The following GRIN2B variants were observed in gnomAD, a reference collection of about 807,000 sequenced individuals.
The protein encoded by GRIN2B is glutamate receptor ionotropic, NMDA 2B.
Under a neutral mutation model 114.5 loss-of-function variants are expected in GRIN2B, and 5 were observed. That is an observed-to-expected ratio of 0.04 (90% CI 0.02 to 0.09). GRIN2B has a LOEUF of 0.09. GRIN2B is among the 10% of genes least tolerant of loss of function. GRIN2B has a pLI of 1.00. For missense variants in GRIN2B, 1,108 were observed against 1,943.5 expected, an observed-to-expected ratio of 0.57 and a Z score of 8.08; for synonymous variants, 787 against 745.1, an observed-to-expected ratio of 1.06 and a Z score of -0.92.
intron 2 of GRIN2B, among the ~76,000 whole-genome samples, chr12:13,888,167 G>T (rs771377819): frequency 3.9e-5 from 6 of 152,160 alleles, no homozygotes; most frequent in African/African-American, 1.4e-4. Context: ...GCCATGTATT[G>T]CTTAACAACG....
intron 3 of GRIN2B, among the ~76,000 whole-genome samples, chr12:13,772,186 G>T (rs1863919998): frequency 6.6e-6 from 1 of 152,206 alleles, no homozygotes; most frequent in South Asian, 2.1e-4. Context: ...GTCTCAGATG[G>T]ATCAGCTCCC....
rs1488187588 is a variant in GRIN2B at position 13,558,956 on chromosome 12, G to T, written c.*3827C>A. The T allele has an allele frequency of 3.4e-4, 52 of 152,216 alleles. No homozygotes were observed. Among genetic ancestry groups the T allele is most frequent in the Admixed American group, 3.4e-3 (52 of 15,282 alleles). 9.4% of individuals were successfully genotyped at this position (152,216 alleles called of 1,614,324 possible). A position where few individuals can be genotyped will look rare whatever the true frequency, so the allele number is the denominator to read the frequency against. ...ACACTCACCAACCACTTCTGCAATG[G>T]AAGGGAATGATAGAGGGTACAAAGC... On this transcript the variant is annotated 3_prime_UTR_variant, in exon 14 of 14. Coordinates refer to ENST00000609686, the MANE Select transcript of GRIN2B (RefSeq NM_000834.5).
chr12:13,600,481 G>T (rs941239040), intron 10 of GRIN2B, among the ~76,000 whole-genome samples: 2 of 150,316 alleles, frequency 1.3e-5, no homozygotes, highest in Admixed American at 1.3e-4. Flanking sequence ...GTCTTGGAGG[G>T]TAGGGATGTG....
At chr12:13,668,389 G>T (rs1949996412) in intron 5 of GRIN2B, among the ~76,000 whole-genome samples, 1 of 152,114 alleles carries the variant, frequency 6.6e-6, no homozygotes, top group South Asian at 2.1e-4. Flanking sequence ...TCATAAATGT[G>T]CATGGGAGTA....
chr12:13,911,357 G>A (rs941072439), intron 2 of GRIN2B, among the ~76,000 whole-genome samples: 1 of 152,124 alleles, frequency 6.6e-6, no homozygotes, highest in African/African-American at 2.4e-5. Flanking sequence ...TAGAAGTCAG[G>A]GGCAAGGATG....
chr12:13,955,185 G>A (rs983180057), intron 2 of GRIN2B, among the ~76,000 whole-genome samples: 12 of 152,086 alleles, frequency 7.9e-5, no homozygotes, highest in African/African-American at 2.9e-4. Context: ...CATATTTTAA[G>A]GTCAAATATT....
rs375136449 is a variant in GRIN2B, at chr12:13,976,688, A to G, written c.-19+3240T>C. 9.2e-5 allele frequency among the ~76,000 whole-genome samples: 14 copies of G among 151,940 alleles called. No homozygotes were observed. In the East Asian group the frequency reaches 1.9e-3, roughly 21 times the overall value. On this transcript the variant is annotated intron_variant, in intron 2 of 13. Transcript: ENST00000609686. ...CTTTTATAGTCCATCAATATTATTT[A>G]TAGCCCATAAATATTAACAATTTTT...
chr12:13,713,754 A>G (rs1379197996), intron 4 of GRIN2B, among the ~76,000 whole-genome samples: 1 of 151,796 alleles, frequency 6.6e-6, no homozygotes, highest in Non-Finnish European at 1.5e-5. Context: ...TGAGACAATA[A>G]AGCTTGCATA....
At chr12:13,926,593 A>G (rs1234176239) in intron 2 of GRIN2B, among the ~76,000 whole-genome samples, 3 of 152,184 alleles carry the variant, frequency 2.0e-5, no homozygotes, top group Non-Finnish European at 4.4e-5. Context: ...GAAGGAGCAG[A>G]GTGAGTCTAC....
chr12:13,640,875 T>C (rs1160443571), intron 5 of GRIN2B, among the ~76,000 whole-genome samples: 1 of 152,078 alleles, frequency 6.6e-6, no homozygotes, highest in Non-Finnish European at 1.5e-5. Flanking sequence ...AAAAAAAATT[T>C]GAAGTTTTTA....
intron 2 of GRIN2B, among the ~76,000 whole-genome samples, chr12:13,975,936 G>A (rs376673899): frequency 2.6e-4 from 39 of 152,326 alleles, no homozygotes; most frequent in African/African-American, 9.1e-4. Context: ...AACCTCTGCT[G>A]AAAGTACTAG....
At chr12:13,982,004 T>A (rs1429450386), upstream of GRIN2B, 1 of 152,220 alleles carries the variant, frequency 6.6e-6, no homozygotes, top group Non-Finnish European at 1.5e-5. Context: ...TGAGCGCGCG[T>A]GTCCTCTTTC....
At chr12:13,959,315 C>T (rs1867650377) in intron 2 of GRIN2B, among the ~76,000 whole-genome samples, 1 of 152,188 alleles carries the variant, frequency 6.6e-6, no homozygotes, top group African/African-American at 2.4e-5. Context: ...GAGGGAGTAA[C>T]ACAAAGGCAG....
chr12:13,747,788 C>T (rs749069041), intron 4 of GRIN2B, among the ~76,000 whole-genome samples: 9 of 152,182 alleles, frequency 5.9e-5, no homozygotes, highest in Non-Finnish European at 7.3e-5. Context: ...TGGCACTCAT[C>T]GAACATTTAA....
At chr12:13,688,253 A>G (rs1310143169) in intron 4 of GRIN2B, among the ~76,000 whole-genome samples, 1 of 152,190 alleles carries the variant, frequency 6.6e-6, no homozygotes. Flanking sequence ...CTAAAATTCA[A>G]ATCCAGATCT....
At chr12:13,643,715 A>G (rs1031199601) in intron 5 of GRIN2B, among the ~76,000 whole-genome samples, 16 of 152,150 alleles carry the variant, frequency 1.1e-4, no homozygotes, top group Admixed American at 1.0e-3. Flanking sequence ...TGCTTTATCA[A>G]CTAAGTTTAT....
At chr12:13,949,162 G>A (rs1234252724) in intron 2 of GRIN2B, among the ~76,000 whole-genome samples, 1 of 152,156 alleles carries the variant, frequency 6.6e-6, no homozygotes, top group Non-Finnish European at 1.5e-5. Context: ...TGAATCCACT[G>A]CCTGAAGAAC....
chr12:13,538,835 AAAC>A lies in GRIN2B; in HGVS notation c.*23945_*23947del, dbSNP rs1257790769. On this transcript the variant is annotated 3_prime_UTR_variant, in exon 14 of 14. Coordinates refer to ENST00000609686, the MANE Select transcript of GRIN2B (RefSeq NM_000834.5). ...CTTAAAAAACAAACAAACAAAAAAA[AAAC>A]AAACAAAAAAACAAAAACAACAGAA... 9 of 150,434 alleles carry A rather than the reference AAAC, an allele frequency of 6.0e-5. No individual in the cohort carries two copies. The highest frequency in any genetic ancestry group is 4.0e-4 in the Admixed American group (6 of 15,178). The allele number at this position is 150,434 out of a possible 1,614,324, so 9.3% of individuals were successfully genotyped here.
chr12:13,692,760 C>CTTTCTTTCTTTTTTTT (rs1427827056), intron 4 of GRIN2B, among the ~76,000 whole-genome samples: 5 of 52,128 alleles, frequency 9.6e-5, no homozygotes, highest in African/African-American at 2.8e-4. Flanking sequence ...TCTTTCTTTT[C>CTTTCTTTCTTTTTTTT]TTTTTTTTTT....
Sources: allele counts gnomAD v4.1 joint callset (sites outside exome capture counted in the v4.1 genomes callset), GRCh38; gene constraint gnomAD v4.1.1; transcripts MANE v1.5; gene names NCBI Gene and HGNC (gene_info 2026-07-23, HGNC 2026-07-21).